CD58: variants seen among roughly 807,000 people sequenced by gnomAD.
CD58 encodes the protein CD58 molecule.
Under a neutral mutation model 27.6 loss-of-function variants are expected in CD58, and 14 were observed. That is an observed-to-expected ratio of 0.51 (90% confidence interval 0.34 to 0.79). The LOEUF (loss-of-function observed/expected upper bound fraction) is 0.79, where lower values mean the gene tolerates loss of function less well. Among genes scored for constraint, CD58 ranks in the 30% least tolerant of loss-of-function variants. The probability of loss-of-function intolerance (pLI) is 0.02; values close to 1 mark genes in which losing one functional copy is unlikely to be tolerated. For missense variants in CD58, 268 were observed against 301.7 expected, an observed-to-expected ratio of 0.89 and a Z score of 0.83; for synonymous variants, 117 against 103.8, an observed-to-expected ratio of 1.13 and a Z score of -0.77.
rs1657093747 is a variant in CD58 at position 116,516,766 on chromosome 1, A to T, written c.744-1944T>A. Among the ~76,000 whole-genome samples, 1 of 152,070 alleles carries T rather than the reference A, an allele frequency of 6.6e-6. No homozygotes were observed. The highest frequency in any genetic ancestry group is 2.1e-4 in the South Asian group (1 of 4,826). On this transcript the variant is annotated intron_variant, in intron 5 of 5. Coordinates refer to ENST00000369489, the MANE Select transcript of CD58 (RefSeq NM_001779.3). The surrounding 1 kb of genome is among the most constrained non-coding windows in gnomAD (Gnocchi z 6.1). ...CGTTGGTTGCTCAGCCCTTACCCTCATATCACACATTCTGCCTATCACCTG... is the reference window on the plus strand; with the variant it reads ...CGTTGGTTGCTCAGCCCTTACCCTCTTATCACACATTCTGCCTATCACCTG...
intron 1 of CD58, among the ~76,000 whole-genome samples, chr1:116,567,002 G>A (rs765413985): frequency 2.0e-5 from 3 of 150,070 alleles, no homozygotes; most frequent in Non-Finnish European, 3.0e-5. Flanking sequence ...TTAGGTGGAC[G>A]TGAAGGCATG....
intron 1 of CD58, among the ~76,000 whole-genome samples, chr1:116,545,932 T>C (rs191822569): frequency 6.6e-6 from 1 of 152,340 alleles, no homozygotes; most frequent in East Asian, 1.9e-4. Flanking sequence ...AGTCCAGCAT[T>C]TTGGGAGGCC....
rs550317137 is a variant in CD58, at chr1:116,519,054, G to A, written c.743+177C>T. The A allele has an allele frequency of 1.8e-5, 24 of 1,355,804 alleles. No individual in the cohort carries two copies. Among genetic ancestry groups the A allele is most frequent in the Non-Finnish European group, 2.4e-5 (24 of 1,019,456 alleles). The allele number at this position is 1,355,804 out of a possible 1,614,324, so 84.0% of individuals were successfully genotyped here. The stretch of plus-strand genomic sequence containing the variant: ...CGATATGCAGAGAGTGGCTAGTGCA[G>A]TGCATGGCACACAGTTGGTACTTAA... On this transcript the variant is annotated intron_variant, in intron 5 of 5. Coordinates refer to ENST00000369489, the MANE Select transcript of CD58 (RefSeq NM_001779.3). This position sits in a 1 kb window ranked among gnomAD's most constrained non-coding sequence, Gnocchi z 4.7.
chr1:116,531,430 T>C lies in CD58; in HGVS notation c.628+4535A>G, dbSNP rs1657601223. Among the ~76,000 whole-genome samples the C allele has an allele frequency of 6.6e-6, 1 of 152,242 alleles. No homozygotes were observed. The highest frequency in any genetic ancestry group is 2.1e-4 in the South Asian group (1 of 4,836). ...CCTTGTCAGTTAGATGCAGCACACA[T>C]ATACCAAAAGGCAAAAGCACACTGG... is the stretch of plus-strand genomic sequence containing the variant. On this transcript the variant is annotated intron_variant, in intron 3 of 5. Transcript: ENST00000369489. The surrounding 1 kb of genome is among the most constrained non-coding windows in gnomAD (Gnocchi z 4.5).
rs1276947132 is a variant in CD58 at position 116,557,979 on chromosome 1, C to T, written c.70+12924G>A. Reference sequence around the variant, plus strand: ...ATGAGCCACCATGCCCAGCCAATGCCATACCTTAGAGACAAGCTAATCACT... The same window carrying T: ...ATGAGCCACCATGCCCAGCCAATGCTATACCTTAGAGACAAGCTAATCACT... On this transcript the variant is annotated intron_variant, in intron 1 of 5. Transcript: ENST00000369489. This position sits in a 1 kb window ranked among gnomAD's most constrained non-coding sequence, Gnocchi z 5.2. Among the ~76,000 whole-genome samples the T allele has an allele frequency of 1.3e-5, 2 of 152,038 alleles. No individual in the cohort carries two copies. The highest frequency in any genetic ancestry group is 3.9e-4 in the East Asian group (2 of 5,192).
Position 116,536,782 on chromosome 1 carries a change from T to C in CD58, c.365-554A>G, listed in dbSNP as rs1391843378. 6.6e-6 allele frequency among the ~76,000 whole-genome samples: 1 copy of C among 152,152 alleles called. No individual in the cohort carries two copies. Among genetic ancestry groups the C allele is most frequent in the East Asian group, 1.9e-4 (1 of 5,192 alleles). Reference sequence around the variant, plus strand: ...TTATAGCAGTGTGAAAACAGACCAATACAGGCCCCAAATCCCTTATCCTCA... The same window carrying C: ...TTATAGCAGTGTGAAAACAGACCAACACAGGCCCCAAATCCCTTATCCTCA... On this transcript the variant is annotated intron_variant, in intron 2 of 5. Coordinates refer to ENST00000369489, the MANE Select transcript of CD58 (RefSeq NM_001779.3). This position sits in a 1 kb window ranked among gnomAD's most constrained non-coding sequence, Gnocchi z 5.4.
chr1:116,537,266 A>G (rs1203621869), intron 2 of CD58, among the ~76,000 whole-genome samples: 1 of 152,226 alleles, frequency 6.6e-6, no homozygotes, highest in Non-Finnish European at 1.5e-5. Flanking sequence ...GTCTTTAAAT[A>G]TATAGGAATG....
chr1:116,517,805 C>A lies in CD58; in HGVS notation c.743+1426G>T, dbSNP rs909014557. Among the ~76,000 whole-genome samples the A allele has an allele frequency of 6.6e-6, 1 of 152,146 alleles. No individual in the cohort carries two copies. The highest frequency in any genetic ancestry group is 1.9e-4 in the East Asian group (1 of 5,186). On this transcript the variant is annotated intron_variant, in intron 5 of 5. Transcript: ENST00000369489. The surrounding 1 kb of genome is among the most constrained non-coding windows in gnomAD (Gnocchi z 6.5). ...ATCCGTAACTCTAGCGTGAAGCCCA[C>A]GCTCCAATTCTGTGCATGGACATCA...
At chr1:116,530,473 G>C (rs1197200410) in intron 3 of CD58, among the ~76,000 whole-genome samples, 1 of 152,058 alleles carries the variant, frequency 6.6e-6, no homozygotes, top group Non-Finnish European at 1.5e-5. Flanking sequence ...CCAAAGTGTT[G>C]GGATTACAGG....
At chr1:116,543,807 A>G (rs1658068826) in intron 2 of CD58, among the ~76,000 whole-genome samples, 1 of 152,200 alleles carries the variant, frequency 6.6e-6, no homozygotes, top group Non-Finnish European at 1.5e-5. Context: ...CTGTAGTCCC[A>G]GCTACTTGGG....
intron 1 of CD58, among the ~76,000 whole-genome samples, chr1:116,558,968 G>A (rs1383311750): frequency 6.6e-6 from 1 of 152,178 alleles, no homozygotes; most frequent in Non-Finnish European, 1.5e-5. Flanking sequence ...ATATAGCAAT[G>A]AACAAAACAG....
rs1050135697 is a variant in CD58, at chr1:116,541,103, C to G, written c.364+3208G>C. Among the ~76,000 whole-genome samples the G allele has an allele frequency of 6.6e-6, 1 of 152,134 alleles. No individual in the cohort carries two copies. The highest frequency in any genetic ancestry group is 6.5e-5 in the Admixed American group (1 of 15,276). ...GGATTATAGCCTTGAGCCACAATGC[C>G]CGGCCTAGAATATTTTAAATTATTT... On this transcript the variant is annotated intron_variant, in intron 2 of 5. Transcript: ENST00000369489. The surrounding 1 kb of genome is among the most constrained non-coding windows in gnomAD (Gnocchi z 5.3).
At chr1:116,548,034 G>C (rs1270258862) in intron 1 of CD58, among the ~76,000 whole-genome samples, 3 of 152,104 alleles carry the variant, frequency 2.0e-5, no homozygotes, top group Non-Finnish European at 4.4e-5. Flanking sequence ...GTTTCAATTT[G>C]CATTTCCCTG....
intron 1 of CD58, among the ~76,000 whole-genome samples, chr1:116,558,668 T>C (rs1658659514): frequency 6.6e-6 from 1 of 152,230 alleles, no homozygotes; most frequent in Non-Finnish European, 1.5e-5. Context: ...CACTGTTTGT[T>C]TTAACTCAAT....
chr1:116,524,490 C>G lies in CD58; in HGVS notation c.629-2507G>C, dbSNP rs1423225546. Among the ~76,000 whole-genome samples, 1 of 152,160 alleles carries G rather than the reference C, an allele frequency of 6.6e-6. No homozygotes were observed. The highest frequency in any genetic ancestry group is 2.4e-5 in the African/African-American group (1 of 41,438). Reference sequence around the variant, plus strand: ...GGTCATGCTGGCATTATGCTGAACCCTATTAAGCTGCCAAGATTCAATGGT... The same window carrying G: ...GGTCATGCTGGCATTATGCTGAACCGTATTAAGCTGCCAAGATTCAATGGT... On this transcript the variant is annotated intron_variant, in intron 3 of 5. Coordinates refer to ENST00000369489, the MANE Select transcript of CD58 (RefSeq NM_001779.3). This position sits in a 1 kb window ranked among gnomAD's most constrained non-coding sequence, Gnocchi z 4.6.
rs757241731 is a variant in CD58 at position 116,536,098 on chromosome 1, T to C, written c.495A>G (p.Gln165=). ...ATATACTGGTTGAGTTACGTTTACA[T>C]TGCTCCATAGGACAATCCCATGAGT... ...IMYSWDCPME[Q]CKRNSTSIYF... The change falls in exon 3 of 6, where the codon CAA becomes CAG. Residue 165 remains glutamine (Q), a synonymous_variant. Transcript: ENST00000369489. The surrounding 1 kb of genome is among the most constrained non-coding windows in gnomAD (Gnocchi z 5.4). 4 of 1,613,986 alleles carry C rather than the reference T, an allele frequency of 2.5e-6. No individual in the cohort carries two copies. In the Admixed American group the frequency reaches 6.7e-5, roughly 27 times the overall value.
chr1:116,516,713 G>T lies in CD58; in HGVS notation c.744-1891C>A, dbSNP rs1057505886. ...ATCCTACCCCCTCCAAAGCTTTTCT[G>T]ATTATTCTGGCCTCTCCAATTCCTC... On this transcript the variant is annotated intron_variant, in intron 5 of 5. Transcript: ENST00000369489. This position sits in a 1 kb window ranked among gnomAD's most constrained non-coding sequence, Gnocchi z 6.1. Among the ~76,000 whole-genome samples the T allele has an allele frequency of 2.0e-5, 3 of 152,114 alleles. No individual in the cohort carries two copies. Among genetic ancestry groups the T allele is most frequent in the African/African-American group, 7.2e-5 (3 of 41,422 alleles).
At chr1:116,544,659 AT>A in intron 1 of CD58, 55 bp from the exon 2 acceptor site, 1 of 1,219,440 alleles carries the variant, frequency 8.2e-7, no homozygotes, top group Non-Finnish European at 1.2e-6. Context: ...GGTGGCAGAA[AT>A]TATTCATCAG....
At position 116,570,910 on chromosome 1, in the gene CD58, G is replaced by A. The variant is rs1324785191; in HGVS notation, c.63C>T (p.His21=). 1.3e-6 allele frequency: 2 copies of A among 1,564,686 alleles called. No individual in the cohort carries two copies. The highest frequency in any genetic ancestry group is 1.9e-5 in the Admixed American group (1 of 53,184). ...LGVLSVVCLL[H]CFGFISCFSQ... ...GGGGCAGGCTTCACTCACCAAAGCA[G>A]TGCAGCAGGCAGACCACGCTGAGGA... Residue 21 remains histidine (H), a synonymous_variant, in exon 1 of 6, where the codon CAC becomes CAT. Transcript: ENST00000369489. This position sits in a 1 kb window ranked among gnomAD's most constrained non-coding sequence, Gnocchi z 6.4.
Sources: gnomAD v4.1 joint callset for allele counts (sites outside exome capture counted in the v4.1 genomes callset) on GRCh38, gnomAD v4.1.1 for gene constraint, Gnocchi (gnomAD v3.1) non-coding constraint, MANE v1.5 for transcripts, NCBI Gene and HGNC (gene_info 2026-07-23, HGNC 2026-07-21) for gene names.